The following UBP1 variants were observed in gnomAD, a reference collection of about 807,000 sequenced individuals.
UBP1 encodes upstream-binding protein 1.
UBP1 carries 22 observed loss-of-function variants against 76.1 expected under a neutral mutation model. The observed-to-expected ratio is 0.29, with a 90% CI of 0.21 to 0.41. The LOEUF (loss-of-function observed/expected upper bound fraction) is 0.41. Among genes scored for constraint, UBP1 ranks in the 10% least tolerant of loss-of-function variants. UBP1 has a pLI of 1.00. For synonymous variants in UBP1, 224 were observed against 237.1 expected (o/e 0.94, Z 0.51); for missense variants, 436 against 668.1 (o/e 0.65, Z 3.83).
chr3:33,426,612 C>T (rs1021097840), intron 1 of UBP1, among the ~76,000 whole-genome samples: 3 of 152,196 alleles, frequency 2.0e-5, no homozygotes, highest in Non-Finnish European at 4.4e-5. Flanking sequence ...CACTCAGCCC[C>T]TGGCACCCAC....
At chr3:33,428,395 T>C (rs990623893) in intron 1 of UBP1, among the ~76,000 whole-genome samples, 8 of 152,148 alleles carry the variant, frequency 5.3e-5, no homozygotes, top group African/African-American at 1.9e-4. Flanking sequence ...AATTTTAACA[T>C]TTCAATGCTA....
chr3:33,401,886 T>C (rs1485404360), intron 9 of UBP1, among the ~76,000 whole-genome samples: 2 of 152,178 alleles, frequency 1.3e-5, no homozygotes, highest in African/African-American at 4.8e-5. Context: ...CCCTCAGACA[T>C]GGTAACCTAC....
chr3:33,434,164 A>G (rs2045163601), intron 1 of UBP1, among the ~76,000 whole-genome samples: 1 of 152,164 alleles, frequency 6.6e-6, no homozygotes, highest in African/African-American at 2.4e-5. Flanking sequence ...GGGAACCCTA[A>G]TTTTAAAAAC....
chr3:33,393,433 T>C lies in UBP1; in HGVS notation c.1412A>G (p.Glu471Gly), dbSNP rs2043844940. 6.2e-7 allele frequency: 1 copy of C among 1,606,370 alleles called. No individual in the cohort carries two copies. The highest frequency in any genetic ancestry group is 2.2e-5 in the East Asian group (1 of 44,778). ...AGCAACTTCTGAGGCAATCATTTCT[T>C]CCAAGTAGATTGCATGATAAACTGA... Reference protein sequence around the residue: ...APYVYHAIYLEEMIASEVARK... With the variant: ...APYVYHAIYLGEMIASEVARK... The change falls in exon 14 of 16, where the codon GAA becomes GGA. Residue 471 changes from glutamate (E) to glycine (G), a missense_variant. This residue lies in a region of UBP1 where 210 missense variants were observed against 272.8 expected (regional missense o/e 0.77). Transcript: ENST00000283629.
intron 8 of UBP1, among the ~76,000 whole-genome samples, chr3:33,406,858 G>A (rs996056393): frequency 6.6e-6 from 1 of 152,170 alleles, no homozygotes; most frequent in African/African-American, 2.4e-5. Flanking sequence ...GCTCAGAGAT[G>A]AAGACCAACA....
chr3:33,400,304 A>G (rs2044175158), intron 10 of UBP1, 22 bp from the exon 11 acceptor site: 1 of 1,566,594 alleles, frequency 6.4e-7, no homozygotes, highest in Non-Finnish European at 8.7e-7. Flanking sequence ...GAAAATGAAC[A>G]TAAATAAAAG....
intron 2 of UBP1, among the ~76,000 whole-genome samples, chr3:33,423,229 G>A (rs1189200162): frequency 1.3e-5 from 2 of 151,936 alleles, no homozygotes; most frequent in South Asian, 2.1e-4. Flanking sequence ...TAGTAGAGAC[G>A]GGGTTTCACC....
chr3:33,427,842 C>A (rs1251639999), intron 1 of UBP1, among the ~76,000 whole-genome samples: 1 of 152,222 alleles, frequency 6.6e-6, no homozygotes. Flanking sequence ...AACACCTTGA[C>A]CTAGGGATTT....
chr3:33,425,524 A>G (rs2044995827), intron 2 of UBP1, 66 bp downstream of exon 2: 2 of 1,416,714 alleles, frequency 1.4e-6, no homozygotes, highest in Non-Finnish European at 1.9e-6. Flanking sequence ...CTAGGCTACA[A>G]TGCCAAAATA....
At chr3:33,434,289 C>CTTTTTTTTT (rs371209882) in intron 1 of UBP1, among the ~76,000 whole-genome samples, 8 of 101,264 alleles carry the variant, frequency 7.9e-5, no homozygotes, top group African/African-American at 2.8e-4. Context: ...TCAGCAAATC[C>CTTTTTTTTT]TTTTTTTTTT....
intron 1 of UBP1, 37 bp from the exon 2 acceptor site, chr3:33,425,778 G>A (rs759106126): frequency 1.1e-5 from 17 of 1,547,510 alleles, no homozygotes; most frequent in Non-Finnish European, 1.3e-5. Flanking sequence ...CTTACTTTGG[G>A]TTTGAAATAT....
At chr3:33,418,636 A>G (rs2044795004) in intron 2 of UBP1, among the ~76,000 whole-genome samples, 1 of 151,806 alleles carries the variant, frequency 6.6e-6, no homozygotes, top group Non-Finnish European at 1.5e-5. Flanking sequence ...AGGCGGGCAG[A>G]TCACCTGAGG....
rs2044737380 is a variant in UBP1 at position 33,416,693 on chromosome 3, T to C, written c.342+65A>G. On this transcript the variant is annotated intron_variant, in intron 3 of 15. Coordinates refer to ENST00000283629, the MANE Select transcript of UBP1 (RefSeq NM_014517.5). ...CAATTATTGAAGTGAAATTAATTTT[T>C]TTTTAAACAAAAACTCATTCAATCA... 2.3e-6 allele frequency: 3 copies of C among 1,277,594 alleles called. No homozygotes were observed. In the South Asian group the frequency reaches 4.2e-5, roughly 18 times the overall value. 79.1% of individuals were successfully genotyped at this position (1,277,594 alleles called of 1,614,324 possible).
rs769313209 is a variant in UBP1 at position 33,411,587 on chromosome 3, G to A, written c.549C>T (p.Phe183=). ...LWDPAKRTSA[F]IQVHCISTEF... Reference sequence around the variant, plus strand: ...ATAATGTAAAAATCCAAACCTGAATGAAAGCAGAGGTGCGTTTTGCTGGGT... The same window carrying A: ...ATAATGTAAAAATCCAAACCTGAATAAAAGCAGAGGTGCGTTTTGCTGGGT... The change falls in exon 5 of 16, where the codon TTC becomes TTT. Residue 183 remains phenylalanine (F), a synonymous_variant. Transcript: ENST00000283629. 92 of 1,614,008 alleles carry A rather than the reference G, an allele frequency of 5.7e-5. 1 individual carries two copies. In the South Asian group the frequency reaches 9.8e-4, roughly 17 times the overall value.
At chr3:33,416,288 A>G (rs749401562) in intron 3 of UBP1, among the ~76,000 whole-genome samples, 27 of 152,176 alleles carry the variant, frequency 1.8e-4, no homozygotes, top group Non-Finnish European at 2.9e-4. Context: ...GATGGTTCTG[A>G]GGATACATCC....
Position 33,440,052 on chromosome 3 carries a change from G to T in UBP1, c.-204C>A. On this transcript the variant is annotated 5_prime_UTR_variant, in exon 1 of 16. Coordinates refer to ENST00000283629, the MANE Select transcript of UBP1 (RefSeq NM_014517.5). ...CCCAGCGAGCAATTGCAGCGGGAGC[G>T]GCCGGGCCGCCGGCAGCGCCACCCT... 2.0e-6 allele frequency: 1 copy of T among 490,246 alleles called. No homozygotes were observed. The highest frequency in any genetic ancestry group is 3.5e-6 in the Non-Finnish European group (1 of 287,928). 30.4% of individuals were successfully genotyped at this position (490,246 alleles called of 1,614,324 possible). A position where few individuals can be genotyped will look rare whatever the true frequency, so the allele number is the denominator to read the frequency against.
chr3:33,439,422 T>C (rs529775297), intron 1 of UBP1, among the ~76,000 whole-genome samples: 2 of 152,358 alleles, frequency 1.3e-5, no homozygotes, highest in South Asian at 2.1e-4. Context: ...AAATCACTTA[T>C]AAGGAAAAGA....
intron 2 of UBP1, among the ~76,000 whole-genome samples, chr3:33,417,472 T>C (rs1346759975): frequency 1.3e-5 from 2 of 152,262 alleles, no homozygotes; most frequent in Non-Finnish European, 1.5e-5. Context: ...GTCCTTTTTA[T>C]TGCCAAATAA....
At chr3:33,412,573 C>T in intron 4 of UBP1, 149 bp downstream of exon 4, 1 of 585,860 alleles carries the variant, frequency 1.7e-6, no homozygotes, top group Non-Finnish European at 3.0e-6. Flanking sequence ...GAGAGCAAGG[C>T]TCTGTCTCAA....
Sources: allele counts gnomAD v4.1 joint callset (sites outside exome capture counted in the v4.1 genomes callset), GRCh38; gene constraint gnomAD v4.1.1; regional missense constraint gnomAD v4.1.1; transcripts MANE v1.5; gene names NCBI Gene and HGNC (gene_info 2026-07-23, HGNC 2026-07-21).